SCAPER: variants seen among roughly 807,000 people sequenced by gnomAD.
The protein encoded by SCAPER is S phase cyclin A-associated protein in the endoplasmic reticulum.
In SCAPER, 98 loss-of-function variants were observed where a neutral mutation model predicts 182.2. The observed-to-expected ratio is 0.54, with a 90% CI of 0.46 to 0.64. The LOEUF is 0.64. Among genes scored for constraint, SCAPER ranks in the 30% least tolerant of loss-of-function variants. The pLI, the probability that SCAPER is intolerant of heterozygous loss-of-function variation, is 0.00. For synonymous variants in SCAPER, 605 were observed against 564.6 expected, an observed-to-expected ratio of 1.07 and a Z score of -1.01; for missense variants, 1,432 against 1,690.0, an observed-to-expected ratio of 0.85 and a Z score of 2.68.
chr15:76,667,146 C>A (rs118077906), intron 20 of SCAPER, among the ~76,000 whole-genome samples: 1 of 152,304 alleles, frequency 6.6e-6, no homozygotes, highest in Non-Finnish European at 1.5e-5. Flanking sequence ...TTTGCCCTTA[C>A]CACCCTTACC....
intron 24 of SCAPER, among the ~76,000 whole-genome samples, chr15:76,503,885 C>CA (rs2041353240): frequency 6.8e-6 from 1 of 146,582 alleles, no homozygotes; most frequent in Admixed American, 6.8e-5. Flanking sequence ...GAAGCATTTA[C>CA]TTTTTTTTTT....
At chr15:76,512,235 A>T (rs913530338) in intron 23 of SCAPER, among the ~76,000 whole-genome samples, 1 of 152,004 alleles carries the variant, frequency 6.6e-6, no homozygotes, top group Non-Finnish European at 1.5e-5. Flanking sequence ...TAATTTCTCT[A>T]GTATGATTGC....
At chr15:76,482,367 T>G (rs1487149678) in intron 24 of SCAPER, among the ~76,000 whole-genome samples, 1 of 152,168 alleles carries the variant, frequency 6.6e-6, no homozygotes, top group African/African-American at 2.4e-5. Flanking sequence ...ATCTTAAATA[T>G]CACTAAAAAC....
intron 26 of SCAPER, among the ~76,000 whole-genome samples, chr15:76,429,767 A>G (rs2142475378): frequency 6.6e-6 from 1 of 152,308 alleles, no homozygotes; most frequent in Middle Eastern, 3.4e-3. Context: ...CGCGATAGAA[A>G]AGAAAATCCC....
At chr15:76,745,159 G>A (rs1598478306) in intron 15 of SCAPER, among the ~76,000 whole-genome samples, 1 of 152,034 alleles carries the variant, frequency 6.6e-6, no homozygotes, top group African/African-American at 2.4e-5. Context: ...AGGGAGAGAA[G>A]GTTAAAAACT....
chr15:76,562,017 G>A lies in SCAPER; in HGVS notation c.2838+12141C>T, dbSNP rs372827313. ...AAAAATTAGCTGGGTGTGGTGGCAC[G>A]TGCCTATAATCCCCCAGATACTCTG... On this transcript the variant is annotated intron_variant, in intron 23 of 31. Transcript: ENST00000563290. Among the ~76,000 whole-genome samples the A allele has an allele frequency of 5.3e-5, 8 of 151,218 alleles. 1 individual carries two copies. The highest frequency in any genetic ancestry group is 2.1e-4 in the South Asian group (1 of 4,766).
In SCAPER at chr15:76,718,647, G is replaced by GA. The variant is rs565887581; in HGVS notation, c.2165+9947dup. Among the ~76,000 whole-genome samples the GA allele has an allele frequency of 1.1e-3, 138 of 130,956 alleles. 1 individual carries two copies. In the South Asian group the frequency reaches 0.014, roughly 14 times the overall value. The allele number at this position is 130,956 out of a possible 152,430, so 85.9% of individuals were successfully genotyped here. On this transcript the variant is annotated intron_variant, in intron 17 of 31. Coordinates refer to ENST00000563290, the MANE Select transcript of SCAPER (RefSeq NM_020843.4). ...GAGAACAAGATTCTGTCTCAAAAAG[G>GA]AAAAAAAAAACAAAAACAAAAAACA...
At chr15:76,579,016 A>G (rs892097677) in intron 22 of SCAPER, among the ~76,000 whole-genome samples, 2 of 152,136 alleles carry the variant, frequency 1.3e-5, no homozygotes, top group Non-Finnish European at 2.9e-5. Context: ...ATAATTTAAA[A>G]TAATCTTTGG....
intron 15 of SCAPER, among the ~76,000 whole-genome samples, chr15:76,742,424 T>C (rs1299723205): frequency 2.2e-5 from 1 of 44,656 alleles, no homozygotes; most frequent in East Asian, 7.6e-4. Flanking sequence ...GGGACAAAAA[T>C]AGGACCCACA....
chr15:76,784,983 G>A (rs1053530778), intron 8 of SCAPER, among the ~76,000 whole-genome samples: 2 of 152,196 alleles, frequency 1.3e-5, no homozygotes, highest in Non-Finnish European at 2.9e-5. Flanking sequence ...AAGACTTCAT[G>A]ACTAAAACAC....
intron 2 of SCAPER, among the ~76,000 whole-genome samples, chr15:76,869,542 C>A (rs558824672): frequency 1.3e-5 from 2 of 152,120 alleles, no homozygotes; most frequent in African/African-American, 4.8e-5. Flanking sequence ...AAATGCAAAT[C>A]AAAACTACAG....
rs1316710621 is a variant in SCAPER, at chr15:76,646,343, A to AGGCT, written c.2645+19309_2645+19310insAGCC. On this transcript the variant is annotated intron_variant, in intron 21 of 31. Transcript: ENST00000563290. Reference sequence around the variant, plus strand: ...GTTCTTGATAGTCAATTATTGTTAAAAATAGGAAGTCTATTAGCCTAGTGA... The same window carrying AGGCT: ...GTTCTTGATAGTCAATTATTGTTAAAGGCTAATAGGAAGTCTATTAGCCTAGTGA... 5.3e-5 allele frequency among the ~76,000 whole-genome samples: 8 copies of AGGCT among 152,224 alleles called. No homozygotes were observed. In the East Asian group the frequency reaches 1.5e-3, roughly 29 times the overall value.
intron 5 of SCAPER, among the ~76,000 whole-genome samples, chr15:76,827,454 G>A (rs1449998458): frequency 6.6e-6 from 1 of 152,114 alleles, no homozygotes; most frequent in East Asian, 1.9e-4. Context: ...ACAGTAGGAG[G>A]TTTTAAAAGC....
At chr15:76,727,434 C>T (rs1341084042) in intron 17 of SCAPER, among the ~76,000 whole-genome samples, 1 of 151,916 alleles carries the variant, frequency 6.6e-6, no homozygotes, top group Non-Finnish European at 1.5e-5. Context: ...CACGAGCAGA[C>T]CCACACATAT....
At chr15:76,619,952 T>C (rs776652460) in intron 22 of SCAPER, among the ~76,000 whole-genome samples, 16 of 152,082 alleles carry the variant, frequency 1.1e-4, no homozygotes, top group Non-Finnish European at 2.4e-4. Context: ...GGCACTTACC[T>C]GTAGTCCCAG....
chr15:76,760,142 T>C (rs1568039419), intron 14 of SCAPER, among the ~76,000 whole-genome samples: 1 of 152,170 alleles, frequency 6.6e-6, no homozygotes, highest in African/African-American at 2.4e-5. Context: ...AATTCTGACA[T>C]TATCTACCTG....
intron 2 of SCAPER, among the ~76,000 whole-genome samples, chr15:76,863,640 T>C (rs1348027025): frequency 6.6e-6 from 1 of 152,176 alleles, no homozygotes; most frequent in East Asian, 1.9e-4. Context: ...TTAACAAGTA[T>C]GGTAGGTAGT....
At chr15:76,853,891 G>A (rs750371241) in intron 4 of SCAPER, among the ~76,000 whole-genome samples, 1 of 152,196 alleles carries the variant, frequency 6.6e-6, no homozygotes, top group Non-Finnish European at 1.5e-5. Context: ...ATTTGCAGAT[G>A]ACTTGATTCT....
rs193008195 is a variant in SCAPER at position 76,477,116 on chromosome 15, A to C, written c.2955-5781T>G. Among the ~76,000 whole-genome samples, 14 of 152,156 alleles carry C rather than the reference A, an allele frequency of 9.2e-5. 1 individual carries two copies. The East Asian group carries it at 2.5e-3, about 27-fold the overall frequency. ...AACACAACACCAAACTGGTCTGCTGAAAAAAAACCACTGGGCACCATATGA... is the reference window on the plus strand; with the variant it reads ...AACACAACACCAAACTGGTCTGCTGCAAAAAAACCACTGGGCACCATATGA... On this transcript the variant is annotated intron_variant, in intron 24 of 31. Coordinates refer to ENST00000563290, the MANE Select transcript of SCAPER (RefSeq NM_020843.4).
Sources: gnomAD v4.1 joint callset for allele counts (sites outside exome capture counted in the v4.1 genomes callset) on GRCh38, gnomAD v4.1.1 for gene constraint, MANE v1.5 for transcripts, NCBI Gene and HGNC (gene_info 2026-07-23, HGNC 2026-07-21) for gene names.